FARP1: variants seen among roughly 807,000 people sequenced by gnomAD.
FARP1 encodes FERM, ARHGEF and pleckstrin domain-containing protein 1.
Under a neutral mutation model 128.8 loss-of-function variants are expected in FARP1, and 52 were observed. The observed-to-expected ratio is 0.40, with a 90% CI of 0.32 to 0.51. The LOEUF (loss-of-function observed/expected upper bound fraction) is 0.51. Ranked by LOEUF, FARP1 falls within the 20% of genes least tolerant of loss-of-function variation. The pLI, the probability that FARP1 is intolerant of heterozygous loss-of-function variation, is 0.45. For missense variants in FARP1, 1,333 were observed against 1,367.9 expected (o/e 0.97, Z 0.40); for synonymous variants, 580 against 551.8 (o/e 1.05, Z -0.72).
intron 1 of FARP1, among the ~76,000 whole-genome samples, chr13:98,197,868 C>T (rs1879675460): frequency 6.6e-6 from 1 of 152,070 alleles, no homozygotes. Context: ...ATCTCCTGAC[C>T]TCGTGATCCG....
chr13:98,168,208 T>C (rs1237980491), intron 1 of FARP1, among the ~76,000 whole-genome samples: 2 of 152,036 alleles, frequency 1.3e-5, no homozygotes, highest in Non-Finnish European at 1.5e-5. Context: ...AAAAAAGTTT[T>C]GGTGCCATGC....
chr13:98,446,672 C>T lies in FARP1; in HGVS notation c.2911C>T (p.His971Tyr), dbSNP rs776023082. The change falls in exon 26 of 27, where the codon CAT (histidine) becomes TAT (tyrosine). Residue 971 changes from histidine to tyrosine, a missense_variant. By Grantham distance (83) the His-to-Tyr change is moderately conservative (BLOSUM62 2). This residue lies in a region of FARP1 where 1,009 missense variants were observed against 969.8 expected (regional missense o/e 1.04). Transcript: ENST00000319562. ...LFFYKSHQDN[H>Y]PLASLPLLGY... ...CTTTGTTTCCCCTTTCCAGGACAATCATCCCCTTGCCAGCCTGCCTCTGCT... is the reference window on the plus strand; with the variant it reads ...CTTTGTTTCCCCTTTCCAGGACAATTATCCCCTTGCCAGCCTGCCTCTGCT... 19 of 1,613,974 alleles carry T rather than the reference C, an allele frequency of 1.2e-5. No individual in the cohort carries two copies. The highest frequency in any genetic ancestry group is 5.0e-5 in the Admixed American group (3 of 59,990).
chr13:98,445,083 T>TG (rs1892739958), intron 24 of FARP1: 1 of 152,236 alleles, frequency 6.6e-6, no homozygotes, highest in African/African-American at 2.4e-5. Context: ...CACTGGACCC[T>TG]CCCTGAGCAA....
chr13:98,289,614 C>T lies in FARP1; in HGVS notation c.172-54148C>T, dbSNP rs1418340351. Among the ~76,000 whole-genome samples the T allele has an allele frequency of 2.6e-5, 4 of 152,166 alleles. No individual in the cohort carries two copies. The East Asian group carries it at 7.7e-4, about 29-fold the overall frequency. On this transcript the variant is annotated intron_variant, in intron 2 of 26. Transcript: ENST00000319562. ...CCAGCCATGAAGGAGGATGAGGTCC[C>T]TGCTCTCAAGGAGATCACTGTCTCG...
intron 24 of FARP1, among the ~76,000 whole-genome samples, chr13:98,442,648 C>T (rs9554473): frequency 0.098 from 14,873 of 152,222 alleles, 1,146 homozygotes; most frequent in East Asian, 0.24. Flanking sequence ...GCAAAGCTTG[C>T]GGGTCTGAGA....
chr13:98,436,124 T>C (rs1248303376), intron 19 of FARP1: 1 of 231,714 alleles, frequency 4.3e-6, no homozygotes, highest in African/African-American at 2.3e-5. Context: ...GAAGTGTTTT[T>C]TTAAAATTCA....
At chr13:98,344,314 G>A (rs1247608929) in intron 3 of FARP1, among the ~76,000 whole-genome samples, 1 of 152,120 alleles carries the variant, frequency 6.6e-6, no homozygotes, top group Non-Finnish European at 1.5e-5. Flanking sequence ...GGAGCTGGAT[G>A]GATTCCAGAG....
At chr13:98,424,985 C>T (rs372334744) in intron 17 of FARP1, among the ~76,000 whole-genome samples, 10 of 151,624 alleles carry the variant, frequency 6.6e-5, no homozygotes, top group African/African-American at 2.4e-4. Flanking sequence ...ATGTGGTCCA[C>T]GGAAGCCAAA....
rs56149647 is a variant in FARP1, at chr13:98,439,267, C to T, written c.2433+71C>T. ...GCAGGTGCGGGCGCTGCTGACCCGGCGATGAGGAGGGAAGGAGACTGGATA... is the reference window on the plus strand; with the variant it reads ...GCAGGTGCGGGCGCTGCTGACCCGGTGATGAGGAGGGAAGGAGACTGGATA... On this transcript the variant is annotated intron_variant, in intron 21 of 26. Coordinates refer to ENST00000319562, the MANE Select transcript of FARP1 (RefSeq NM_005766.4). 1.7e-3 allele frequency: 1,728 copies of T among 1,035,530 alleles called. 22 individuals are homozygous for T. The African/African-American group carries it at 0.024, about 15-fold the overall frequency. The allele number at this position is 1,035,530 out of a possible 1,614,324, so 64.1% of individuals were successfully genotyped here. A position where few individuals can be genotyped will look rare whatever the true frequency, so the allele number is the denominator to read the frequency against.
rs138220731 is a variant in FARP1, at chr13:98,402,619, T to C, written c.1415-6719T>C. On this transcript the variant is annotated intron_variant, in intron 13 of 26. Transcript: ENST00000319562. ...TTGTCACTTTCCCTGCAGTGATTTA[T>C]TGAAAGACTGAAGATAGGTCTTCCT... 4 of 152,300 alleles carry C rather than the reference T, an allele frequency of 2.6e-5. No homozygotes were observed. In the East Asian group the frequency reaches 5.8e-4, roughly 22 times the overall value. The allele number at this position is 152,300 out of a possible 1,614,324, so 9.4% of individuals were successfully genotyped here.
In FARP1 at chr13:98,409,396, G is replaced by A. The variant is rs147014435; in HGVS notation, c.1473G>A (p.Val491=). 5.6e-5 allele frequency: 90 copies of A among 1,613,616 alleles called. No individual in the cohort carries two copies. The highest frequency in any genetic ancestry group is 4.8e-5 in the Non-Finnish European group (57 of 1,179,842). ...SELSVNSQGG[V]APANVTLSPN... is the part of the protein sequence containing the mutation. Reference sequence around the variant, plus strand: ...TGTCTGTGAACTCGCAGGGGGGAGTGGCCCCTGCCAACGTGACCTTGTCTC... The same window carrying A: ...TGTCTGTGAACTCGCAGGGGGGAGTAGCCCCTGCCAACGTGACCTTGTCTC... The change falls in exon 14 of 27, where the codon GTG becomes GTA. Residue 491 remains valine (V), a synonymous_variant. Transcript: ENST00000319562.
chr13:98,303,620 C>A (rs529902444), intron 2 of FARP1, among the ~76,000 whole-genome samples: 1 of 152,268 alleles, frequency 6.6e-6, no homozygotes, highest in South Asian at 2.1e-4. Context: ...TTCCAGAGTC[C>A]CCGTTGTCGT....
intron 1 of FARP1, among the ~76,000 whole-genome samples, chr13:98,203,624 G>T (rs564099713): frequency 6.6e-6 from 1 of 152,262 alleles, no homozygotes; most frequent in African/African-American, 2.4e-5. Context: ...TGGATAGATC[G>T]CATTTGGTTT....
chr13:98,384,659 C>T (rs1890028138), intron 6 of FARP1, 71 bp from the exon 7 acceptor site: 4 of 905,154 alleles, frequency 4.4e-6, no homozygotes, highest in Non-Finnish European at 3.6e-6. Context: ...CTGTTTGGCT[C>T]ACTGGGGAAT....
chr13:98,278,575 C>T (rs1247077015), intron 2 of FARP1, among the ~76,000 whole-genome samples: 6 of 152,056 alleles, frequency 3.9e-5, no homozygotes, highest in African/African-American at 1.2e-4. Context: ...GAACATCCTT[C>T]GTTTTCTGGT....
At chr13:98,206,989 ATTTG>A (rs1880309950) in intron 1 of FARP1, among the ~76,000 whole-genome samples, 1 of 152,140 alleles carries the variant, frequency 6.6e-6, no homozygotes, top group Non-Finnish European at 1.5e-5. Context: ...GGTTTGTTGG[ATTTG>A]TTTATCTGGA....
At chr13:98,372,081 CTTTT>C (rs56838920) in intron 5 of FARP1, among the ~76,000 whole-genome samples, 11 of 92,346 alleles carry the variant, frequency 1.2e-4, no homozygotes, top group Admixed American at 7.0e-4. Context: ...CCCAGTTTTT[CTTTT>C]TTTTTTTTTT....
rs1252128063 is a variant in FARP1, at chr13:98,165,720, T to TG, written c.-24+22228_-24+22229insG. Reference sequence around the variant, plus strand: ...ACCCTTCCAGAAGGGGTTTTTTTTTTTTTTTTTTTTTTTTTTTTTTTTTGT... The same window carrying TG: ...ACCCTTCCAGAAGGGGTTTTTTTTTTGTTTTTTTTTTTTTTTTTTTTTTTGT... On this transcript the variant is annotated intron_variant, in intron 1 of 26. Transcript: ENST00000319562. Among the ~76,000 whole-genome samples the TG allele has an allele frequency of 9.2e-4, 55 of 59,558 alleles. No individual in the cohort carries two copies. The East Asian group carries it at 0.013, about 14-fold the overall frequency. 39.1% of individuals were successfully genotyped at this position (59,558 alleles called of 152,430 possible).
At chr13:98,171,507 T>C (rs902209653) in intron 1 of FARP1, among the ~76,000 whole-genome samples, 1 of 152,220 alleles carries the variant, frequency 6.6e-6, no homozygotes, top group African/African-American at 2.4e-5. Flanking sequence ...TTTTATCTGC[T>C]CTTGTTCCTG....
Sources: allele counts gnomAD v4.1 joint callset (sites outside exome capture counted in the v4.1 genomes callset), GRCh38; gene constraint gnomAD v4.1.1; regional missense constraint gnomAD v4.1.1; transcripts MANE v1.5; gene names NCBI Gene and HGNC (gene_info 2026-07-23, HGNC 2026-07-21).